Variants in ARID1B observed in about 807,000 individuals in gnomAD.
ARID1B encodes AT-rich interactive domain-containing protein 1B.
A neutral mutation model predicts 212.3 loss-of-function variants in ARID1B; 30 were observed. The observed-to-expected ratio is 0.14, with a 90% CI of 0.11 to 0.19. The LOEUF is 0.19. Among genes scored for constraint, ARID1B ranks in the 10% least tolerant of loss-of-function variants. The pLI is 1.00. For missense variants in ARID1B, 2,891 were observed against 3,204.0 expected (o/e 0.90, Z 2.36); for synonymous variants, 1,402 against 1,301.7 (o/e 1.08, Z -1.66).
At chr6:157,105,978 T>G (rs1307139641) in intron 5 of ARID1B, among the ~76,000 whole-genome samples, 2 of 152,146 alleles carry the variant, frequency 1.3e-5, no homozygotes, top group African/African-American at 4.8e-5. Flanking sequence ...AAACATTGCT[T>G]GTAGCAATGT....
intron 4 of ARID1B, among the ~76,000 whole-genome samples, chr6:156,998,910 AC>A (rs1778759818): frequency 6.6e-6 from 1 of 152,248 alleles, no homozygotes; most frequent in South Asian, 2.1e-4. Context: ...TTGAGAAAAT[AC>A]CGTGGAGCCT....
chr6:157,026,777 A>G (rs1201779821), intron 4 of ARID1B, among the ~76,000 whole-genome samples: 1 of 152,144 alleles, frequency 6.6e-6, no homozygotes, highest in East Asian at 1.9e-4. Flanking sequence ...CGGTCTCTTT[A>G]TTAGCCAGGA....
rs1160253962 is a variant in ARID1B at position 156,895,854 on chromosome 6, G to A, written c.1987-5522G>A. 2.6e-5 allele frequency among the ~76,000 whole-genome samples: 4 copies of A among 152,164 alleles called. No individual in the cohort carries two copies. In the South Asian group the frequency reaches 6.2e-4, roughly 24 times the overall value. On this transcript the variant is annotated intron_variant, in intron 2 of 19. Coordinates refer to ENST00000636930, the MANE Select transcript of ARID1B (RefSeq NM_001374828.1). ...AGGAGCAAAGCATGGCTGAAGCCACGCCCCATAATCCCCAATTCTTTTCAA... is the reference window on the plus strand; with the variant it reads ...AGGAGCAAAGCATGGCTGAAGCCACACCCCATAATCCCCAATTCTTTTCAA...
chr6:156,841,999 A>T (rs556626665), intron 2 of ARID1B, among the ~76,000 whole-genome samples: 1 of 152,374 alleles, frequency 6.6e-6, no homozygotes, highest in Non-Finnish European at 1.5e-5. Context: ...GATTATAATT[A>T]AAGTAGCCTC....
At chr6:157,193,053 G>A (rs1381550523) in intron 15 of ARID1B, among the ~76,000 whole-genome samples, 1 of 152,150 alleles carries the variant, frequency 6.6e-6, no homozygotes, top group Non-Finnish European at 1.5e-5. Context: ...TCACCGGCCT[G>A]CCTTCCCTGC....
chr6:157,029,387 A>G (rs1161207849), intron 4 of ARID1B, among the ~76,000 whole-genome samples: 1 of 152,194 alleles, frequency 6.6e-6, no homozygotes, highest in African/African-American at 2.4e-5. Flanking sequence ...TTGTTTTGTT[A>G]TAGTCTTTAG....
intron 4 of ARID1B, among the ~76,000 whole-genome samples, chr6:156,960,417 T>C (rs1259363168): frequency 6.6e-6 from 1 of 152,216 alleles, no homozygotes; most frequent in Non-Finnish European, 1.5e-5. Context: ...TTCTAATTTA[T>C]AGTAAAATAA....
chr6:157,113,569 A>G (rs1787094691), intron 6 of ARID1B, among the ~76,000 whole-genome samples: 2 of 152,106 alleles, frequency 1.3e-5, no homozygotes, highest in Non-Finnish European at 2.9e-5. Context: ...TTAAACAACC[A>G]TATCTCGTGA....
At chr6:157,022,885 A>G (rs1412091026) in intron 4 of ARID1B, 1 of 152,246 alleles carries the variant, frequency 6.6e-6, no homozygotes, top group East Asian at 1.9e-4. Context: ...ATGTAGAGAC[A>G]GAATCCAAAA....
At chr6:157,116,539 G>A (rs1787332369) in intron 6 of ARID1B, among the ~76,000 whole-genome samples, 1 of 149,528 alleles carries the variant, frequency 6.7e-6, no homozygotes, top group Non-Finnish European at 1.5e-5. Flanking sequence ...TAATTAGAAG[G>A]TCATAATGAG....
intron 4 of ARID1B, among the ~76,000 whole-genome samples, chr6:157,038,889 G>C (rs1781504710): frequency 6.6e-6 from 1 of 151,956 alleles, no homozygotes; most frequent in African/African-American, 2.4e-5. Context: ...CAACCTAACA[G>C]GTTCCTTTTG....
rs138501170 is a variant in ARID1B at position 156,852,383 on chromosome 6, G to T, written c.1986+22962G>T. On this transcript the variant is annotated intron_variant, in intron 2 of 19. Transcript: ENST00000636930. ...GGACCCTTTGAGCTCAGGAGTTTGA[G>T]GTTACAGTGAGCTGTGATGAGGCAA... Among the ~76,000 whole-genome samples, 279 of 152,066 alleles carry T rather than the reference G, an allele frequency of 1.8e-3. 2 individuals carry two copies. Among genetic ancestry groups the T allele is most frequent in the African/African-American group, 6.4e-3 (265 of 41,446 alleles).
chr6:156,997,754 T>A (rs1778680596), intron 4 of ARID1B, among the ~76,000 whole-genome samples: 1 of 151,932 alleles, frequency 6.6e-6, no homozygotes, highest in African/African-American at 2.4e-5. Context: ...TACATTAGCA[T>A]AAAGGAATGC....
chr6:156,940,284 C>T (rs1582993660), intron 4 of ARID1B: 1 of 152,290 alleles, frequency 6.6e-6, no homozygotes, highest in South Asian at 2.1e-4. Context: ...TTAAAAACCT[C>T]TTTGTGACCC....
intron 13 of ARID1B, chr6:157,186,033 T>A (rs569203129): frequency 1.3e-5 from 2 of 153,880 alleles, no homozygotes; most frequent in African/African-American, 2.4e-5. Context: ...TTTTCCAAAA[T>A]AAAAACCCAG....
At chr6:157,193,052 TG>T (rs1199574801) in intron 15 of ARID1B, among the ~76,000 whole-genome samples, 1 of 152,220 alleles carries the variant, frequency 6.6e-6, no homozygotes, top group Non-Finnish European at 1.5e-5. Context: ...TTCACCGGCC[TG>T]CCTTCCCTGC....
chr6:156,779,563 T>G, intron 1 of ARID1B, 92 bp downstream of exon 1: 2 of 1,112,240 alleles, frequency 1.8e-6, no homozygotes, highest in Non-Finnish European at 2.2e-6. Context: ...CTTTTCCCCG[T>G]CTTCCCGCGG....
intron 4 of ARID1B, among the ~76,000 whole-genome samples, chr6:157,043,665 A>AT (rs35355433): frequency 0.027 from 4,107 of 152,288 alleles, 265 homozygotes; most frequent in East Asian, 0.25. Context: ...TGATATTAAC[A>AT]TATCACTACT....
chr6:157,149,035 C>A, intron 8 of ARID1B, 84 bp downstream of exon 8: 1 of 1,374,274 alleles, frequency 7.3e-7, no homozygotes, highest in Non-Finnish European at 9.9e-7. Flanking sequence ...CTGCATTGTT[C>A]CCTGGGGTCA....
Sources: gnomAD v4.1 joint callset for allele counts (sites outside exome capture counted in the v4.1 genomes callset) on GRCh38, gnomAD v4.1.1 for gene constraint, MANE v1.5 for transcripts, NCBI Gene and HGNC (gene_info 2026-07-23, HGNC 2026-07-21) for gene names.